Variants in TFCP2 observed in about 807,000 individuals in gnomAD.
TFCP2 encodes alpha-globin transcription factor CP2.
In TFCP2, 33 loss-of-function variants were observed where a neutral mutation model predicts 73.4. The observed-to-expected ratio is 0.45, with a 90% CI of 0.34 to 0.60. TFCP2 has a LOEUF of 0.60. Ranked by LOEUF, TFCP2 falls within the 20% of genes least tolerant of loss-of-function variation. The probability of loss-of-function intolerance (pLI) is 0.01; values close to 1 mark genes in which losing one functional copy is unlikely to be tolerated. For missense variants in TFCP2, 352 were observed against 604.0 expected (o/e 0.58, Z 4.37); for synonymous variants, 193 against 211.6 (o/e 0.91, Z 0.76).
intron 1 of TFCP2, among the ~76,000 whole-genome samples, chr12:51,129,760 G>A (rs1353153448): frequency 6.6e-6 from 1 of 151,856 alleles, no homozygotes; most frequent in African/African-American, 2.4e-5. Context: ...AGACTGTTCA[G>A]GTATTAGAAG....
chr12:51,099,751 CAT>C lies in TFCP2; in HGVS notation c.1178_1179del (p.Tyr393CysfsTer23). On this transcript the variant is annotated frameshift_variant, in exon 12 of 15. Coordinates refer to ENST00000257915, the MANE Select transcript of TFCP2 (RefSeq NM_005653.5). LOFTEE classifies it high-confidence loss of function. ...GRMVRPRLTI[Y>X]VCQESLQLRE... Reference sequence around the variant, plus strand: ...CTCAACTGCAGTGATTCCTGACAAACATAAATGGTTAACCTTGGACGCACCAT... The same window carrying C: ...CTCAACTGCAGTGATTCCTGACAAACAAATGGTTAACCTTGGACGCACCAT... 6.2e-7 allele frequency: 1 copy of C among 1,614,188 alleles called. No homozygotes were observed. Among genetic ancestry groups the C allele is most frequent in the Non-Finnish European group, 8.5e-7 (1 of 1,180,038 alleles).
intron 1 of TFCP2, among the ~76,000 whole-genome samples, chr12:51,162,407 C>T (rs1042058079): frequency 1.3e-5 from 2 of 148,962 alleles, no homozygotes; most frequent in African/African-American, 2.5e-5. Context: ...AATGGCGCCA[C>T]TGCACTTGAG....
chr12:51,113,300 T>G (rs1940445105), intron 4 of TFCP2, among the ~76,000 whole-genome samples: 1 of 152,204 alleles, frequency 6.6e-6, no homozygotes, highest in African/African-American at 2.4e-5. Flanking sequence ...CAAAAGGAAA[T>G]TTTAACCAAT....
chr12:51,097,929 T>C (rs1185698445), intron 13 of TFCP2, among the ~76,000 whole-genome samples: 1 of 151,576 alleles, frequency 6.6e-6, no homozygotes, highest in Admixed American at 6.6e-5. Context: ...GGCAGGAGAA[T>C]TGCTTGAACC....
intron 1 of TFCP2, among the ~76,000 whole-genome samples, chr12:51,150,243 C>T (rs1464305884): frequency 6.6e-6 from 1 of 151,972 alleles, no homozygotes; most frequent in African/African-American, 2.4e-5. Context: ...CATGGCGAAA[C>T]CTCTTCTCTA....
chr12:51,131,488 G>C (rs1940944380), intron 1 of TFCP2, among the ~76,000 whole-genome samples: 1 of 151,930 alleles, frequency 6.6e-6, no homozygotes, highest in Admixed American at 6.6e-5. Context: ...TGGTATTCTT[G>C]GTTGAAGTTA....
Position 51,172,428 on chromosome 12 carries a change from C to A in TFCP2, c.-6G>T. 1 of 1,614,052 alleles carries A rather than the reference C, an allele frequency of 6.2e-7. No individual in the cohort carries two copies. Among genetic ancestry groups the A allele is most frequent in the Non-Finnish European group, 8.5e-7 (1 of 1,179,992 alleles). ...AGCTTCAGAGCCCAGGCCATCCTGG[C>A]TCCTTCCTTGCCCCAGGAGACACCG... On this transcript the variant is annotated 5_prime_UTR_variant, in exon 1 of 15. Coordinates refer to ENST00000257915, the MANE Select transcript of TFCP2 (RefSeq NM_005653.5).
intron 1 of TFCP2, among the ~76,000 whole-genome samples, chr12:51,158,491 T>C (rs1443149937): frequency 2.0e-5 from 3 of 152,096 alleles, no homozygotes; most frequent in Non-Finnish European, 2.9e-5. Context: ...TCTGTTTTTT[T>C]GTTTGTTTGT....
chr12:51,153,933 T>A (rs919300194), intron 1 of TFCP2, among the ~76,000 whole-genome samples: 1 of 152,232 alleles, frequency 6.6e-6, no homozygotes, highest in African/African-American at 2.4e-5. Context: ...ACATTTAATT[T>A]TTTTGAGGAA....
At chr12:51,172,227 A>G (rs1941876516) in intron 1 of TFCP2, 74 bp downstream of exon 1, 14 of 1,585,558 alleles carry the variant, frequency 8.8e-6, no homozygotes, top group Non-Finnish European at 1.2e-5. Flanking sequence ...CCTCCTTCCC[A>G]CTCAACCCCT....
At chr12:51,113,228 G>A (rs979657016) in intron 4 of TFCP2, among the ~76,000 whole-genome samples, 1 of 152,296 alleles carries the variant, frequency 6.6e-6, no homozygotes, top group South Asian at 2.1e-4. Context: ...CACTGCATGA[G>A]AACCAATGTT....
At chr12:51,153,456 C>T (rs1941472561) in intron 1 of TFCP2, among the ~76,000 whole-genome samples, 1 of 151,620 alleles carries the variant, frequency 6.6e-6, no homozygotes, top group Non-Finnish European at 1.5e-5. Flanking sequence ...ATATTTTAAC[C>T]ATTTTTAAGT....
chr12:51,169,940 T>C (rs1022345342), intron 1 of TFCP2, among the ~76,000 whole-genome samples: 1 of 152,242 alleles, frequency 6.6e-6, no homozygotes, highest in African/African-American at 2.4e-5. Flanking sequence ...CATATGGTAT[T>C]GCACCTAGTA....
At chr12:51,129,659 C>T (rs1435935822) in intron 1 of TFCP2, among the ~76,000 whole-genome samples, 1 of 151,970 alleles carries the variant, frequency 6.6e-6, no homozygotes, top group Non-Finnish European at 1.5e-5. Context: ...AAAGAGATTT[C>T]AATAGCTCAG....
chr12:51,098,273 AAACTTT>A (rs1234080655), intron 13 of TFCP2, among the ~76,000 whole-genome samples: 1 of 151,900 alleles, frequency 6.6e-6, no homozygotes, highest in Non-Finnish European at 1.5e-5. Context: ...ACAACTATTT[AAACTTT>A]AACAAAAAAT....
At position 51,099,686 on chromosome 12, in the gene TFCP2, A is replaced by ATGCTTC. The variant is rs1940061641; in HGVS notation, c.1239_1244dup (p.Gln413_Lys414dup). On this transcript the variant is annotated inframe_insertion, in exon 12 of 15. Coordinates refer to ENST00000257915, the MANE Select transcript of TFCP2 (RefSeq NM_005653.5). ...AAGTACCATTTGAGTCTCCATCCTC[A>ATGCTTC]TGCTTCTGCTGCTGTTGCTGCTGCT... is the stretch of plus-strand genomic sequence containing the variant. The ATGCTTC allele has an allele frequency of 6.2e-7, 1 of 1,614,152 alleles. No individual in the cohort carries two copies. The highest frequency in any genetic ancestry group is 2.2e-5 in the East Asian group (1 of 44,880).
intron 1 of TFCP2, among the ~76,000 whole-genome samples, chr12:51,136,959 C>CA (rs1240533247): frequency 6.6e-6 from 1 of 151,622 alleles, no homozygotes; most frequent in Non-Finnish European, 1.5e-5. Context: ...CAAACAGCAA[C>CA]AAAAAAAACT....
chr12:51,107,151 A>T, intron 7 of TFCP2, 85 bp downstream of exon 7: 1 of 1,081,144 alleles, frequency 9.2e-7, no homozygotes, highest in Admixed American at 2.3e-5. Flanking sequence ...GCTTAGGAGA[A>T]GTAAATTCTG....
intron 1 of TFCP2, among the ~76,000 whole-genome samples, chr12:51,126,779 A>G (rs1940828253): frequency 6.6e-6 from 1 of 152,184 alleles, no homozygotes; most frequent in African/African-American, 2.4e-5. Flanking sequence ...TGTTAGCTAC[A>G]GCATGAAAGG....
Sources: allele counts gnomAD v4.1 joint callset (sites outside exome capture counted in the v4.1 genomes callset), GRCh38; gene constraint gnomAD v4.1.1; transcripts MANE v1.5; gene names NCBI Gene and HGNC (gene_info 2026-07-23, HGNC 2026-07-21).